ACSL4: variants seen among roughly 807,000 people sequenced by gnomAD.
ACSL4 encodes the protein long-chain-fatty-acid--CoA ligase 4.
ACSL4 carries 9 observed loss-of-function variants against 49.1 expected under a neutral mutation model. The observed-to-expected ratio is 0.18, with a 90% confidence interval of 0.11 to 0.32. ACSL4 has a LOEUF of 0.32. Ranked by LOEUF, ACSL4 falls within the 10% of genes least tolerant of loss-of-function variation. The pLI is 1.00. For synonymous variants in ACSL4, 191 were observed against 170.3 expected (o/e 1.12, Z -0.95); for missense variants, 333 against 493.7 (o/e 0.67, Z 3.08).
chrX:109,690,014 T>A (rs1302869514), intron 2 of ACSL4, among the ~76,000 whole-genome samples: 1 of 112,261 alleles, frequency 8.9e-6, no homozygotes, highest in East Asian at 2.8e-4. Context: ...TTTAATCATC[T>A]TAAAAAACAA....
At chrX:109,668,448 G>GA (rs900187328) in intron 10 of ACSL4, among the ~76,000 whole-genome samples, 175 bp from the exon 11 acceptor site, 13 of 111,666 alleles carry the variant, frequency 1.2e-4, no homozygotes, top group South Asian at 7.4e-4. Context: ...AAAAATGCCA[G>GA]AAAAAACTCT....
chrX:109,648,328 G>T (rs1433201733), intron 15 of ACSL4, among the ~76,000 whole-genome samples: 2 of 111,520 alleles, frequency 1.8e-5, no homozygotes, highest in Admixed American at 9.5e-5. Context: ...TATCCACCAT[G>T]ATCAAGTGGG....
intron 9 of ACSL4, among the ~76,000 whole-genome samples, chrX:109,669,691 C>CA (rs1179621109): frequency 4.5e-5 from 5 of 112,287 alleles, no homozygotes. Context: ...CGTGCCCAGC[C>CA]AAGTTAATCT....
In ACSL4 at chrX:109,644,174, C is replaced by T. The variant is rs187046661; in HGVS notation, c.1868G>A (p.Arg623Gln). ...TCGAACCTTGATTGGAATTTCAAAT[C>T]GCTCCAATTTCACTGAAATTAGAAG... ...REAANAMKLERFEIPIKVRLS... is the reference protein window; with the variant it reads ...REAANAMKLEQFEIPIKVRLS... The change falls in exon 16 of 16, where the codon CGA becomes CAA. Residue 623 changes from arginine (R) to glutamine (Q), a missense_variant. By Grantham distance (43) the Arg-to-Gln change is conservative (BLOSUM62 1). Transcript: ENST00000672401. The T allele has an allele frequency of 2.7e-5, 33 of 1,202,990 alleles. No homozygotes were observed. The highest frequency in any genetic ancestry group is 3.3e-5 in the Non-Finnish European group (29 of 891,313).
chrX:109,719,031 T>G (rs186309620), intron 1 of ACSL4, among the ~76,000 whole-genome samples: 43 of 111,492 alleles, frequency 3.9e-4, no homozygotes, highest in African/African-American at 1.4e-3. Flanking sequence ...TCTTCCTCAG[T>G]TGAAGACAAT....
intron 15 of ACSL4, among the ~76,000 whole-genome samples, chrX:109,646,189 C>T (rs745716751): frequency 3.6e-5 from 4 of 110,662 alleles, no homozygotes; most frequent in Admixed American, 1.9e-4. Flanking sequence ...AGATACTCCT[C>T]GAGAAGAGCA....
At chrX:109,660,671 G>A (rs908243222) in intron 14 of ACSL4, among the ~76,000 whole-genome samples, 1 of 111,383 alleles carries the variant, frequency 9.0e-6, no homozygotes, top group Non-Finnish European at 1.9e-5. Flanking sequence ...CCAAGAGGGG[G>A]AGGCAACCAA....
chrX:109,676,983 G>A (rs1253806740), intron 8 of ACSL4, among the ~76,000 whole-genome samples: 3 of 108,637 alleles, frequency 2.8e-5, no homozygotes, highest in South Asian at 4.0e-4. Flanking sequence ...TTTTTGAGAC[G>A]GAGTCTCGCT....
chrX:109,679,080 G>A (rs768404319), intron 6 of ACSL4, among the ~76,000 whole-genome samples: 4 of 111,834 alleles, frequency 3.6e-5, no homozygotes, highest in Non-Finnish European at 5.6e-5. Flanking sequence ...TCAGAATCAC[G>A]TGCAGAACTT....
At chrX:109,723,790 G>A (rs1238067141) in intron 1 of ACSL4, among the ~76,000 whole-genome samples, 1 of 112,371 alleles carries the variant, frequency 8.9e-6, no homozygotes, top group Non-Finnish European at 1.9e-5. Context: ...AAAATGAGAT[G>A]ATTTTGGTAT....
chrX:109,666,843 A>C (rs1421349993), intron 11 of ACSL4, among the ~76,000 whole-genome samples: 1 of 111,956 alleles, frequency 8.9e-6, no homozygotes, highest in African/African-American at 3.3e-5. Flanking sequence ...TGAACCCGGG[A>C]GGCGGAGGTT....
At chrX:109,654,294 C>T (rs1415774322) in intron 15 of ACSL4, among the ~76,000 whole-genome samples, 1 of 111,001 alleles carries the variant, frequency 9.0e-6, no homozygotes, top group African/African-American at 3.3e-5. Flanking sequence ...ATAAACTACT[C>T]TCAAGTGATT....
intron 15 of ACSL4, among the ~76,000 whole-genome samples, chrX:109,648,084 C>G (rs1384876439): frequency 1.8e-5 from 2 of 111,899 alleles, no homozygotes; most frequent in Admixed American, 9.5e-5. Context: ...CAGCCAAATT[C>G]TATCAGAGGT....
intron 9 of ACSL4, among the ~76,000 whole-genome samples, chrX:109,669,694 G>A (rs1923012856): frequency 8.9e-6 from 1 of 112,150 alleles, no homozygotes; most frequent in African/African-American, 3.2e-5. Context: ...GCCCAGCCAA[G>A]TTAATCTAAA....
intron 15 of ACSL4, among the ~76,000 whole-genome samples, chrX:109,651,844 A>C (rs1921163492): frequency 8.9e-6 from 1 of 112,119 alleles, no homozygotes; most frequent in African/African-American, 3.2e-5. Flanking sequence ...CCAAAAAAAT[A>C]AAGACTGCTA....
chrX:109,653,196 T>C (rs1921302779), intron 15 of ACSL4, among the ~76,000 whole-genome samples: 1 of 111,219 alleles, frequency 9.0e-6, no homozygotes, highest in Non-Finnish European at 1.9e-5. Context: ...AAAAGACACA[T>C]GAAAAAATGC....
chrX:109,724,534 C>T (rs1927812717), intron 1 of ACSL4, among the ~76,000 whole-genome samples: 1 of 111,769 alleles, frequency 8.9e-6, no homozygotes, highest in Non-Finnish European at 1.9e-5. Flanking sequence ...ACAACCTCCA[C>T]CTACTGGGCT....
rs147277991 is a variant in ACSL4, at chrX:109,682,879, A to G, written c.246T>C (p.Tyr82=). ...KVFKKLILGN[Y]KWMNYLEVNR... ...TCACTTCAAGATAGTTCATCCATTT[A>G]TAATTCCCAAGAATTAACTGTTAAA... Residue 82 remains tyrosine (Y), a synonymous_variant, in exon 4 of 16, where the codon TAT becomes TAC. Coordinates refer to ENST00000672401, the MANE Select transcript of ACSL4 (RefSeq NM_001318510.2). 12 of 1,208,574 alleles carry G rather than the reference A, an allele frequency of 9.9e-6. No individual in the cohort carries two copies. The African/African-American group carries it at 2.1e-4, about 21-fold the overall frequency.
rs749422257 is a variant in ACSL4, at chrX:109,649,428, G to A, written c.1856-5242C>T. Among the ~76,000 whole-genome samples the A allele has an allele frequency of 9.1e-3, 1,015 of 111,630 alleles. 11 individuals carry two copies. Among genetic ancestry groups the A allele is most frequent in the African/African-American group, 0.031 (960 of 30,630 alleles). On this transcript the variant is annotated intron_variant, in intron 15 of 15. Coordinates refer to ENST00000672401, the MANE Select transcript of ACSL4 (RefSeq NM_001318510.2). ...CTAAGAAAAACAAGCAATGGGGAAA[G>A]GATTCCCTATTTAATAAATGGTGCT...
Sources: gnomAD v4.1 joint callset for allele counts (sites outside exome capture counted in the v4.1 genomes callset) on GRCh38, gnomAD v4.1.1 for gene constraint, MANE v1.5 for transcripts, NCBI Gene and HGNC (gene_info 2026-07-23, HGNC 2026-07-21) for gene names.